Variants in ABCA13 observed in about 807,000 individuals in gnomAD.
The protein encoded by ABCA13 is ATP binding cassette subfamily A member 13, also known as ATP-binding cassette sub-family A member 13.
ABCA13 carries 476 observed loss-of-function variants against 478.7 expected under a neutral mutation model. The ratio of observed to expected loss-of-function variants is 0.99; its 90% CI spans 0.92 to 1.07. The LOEUF is 1.07. Ranked by LOEUF, ABCA13 falls within the 50% of genes least tolerant of loss-of-function variation. The pLI is 0.00. For missense variants in ABCA13, 6,060 were observed against 5,910.6 expected, an observed-to-expected ratio of 1.03 and a Z score of -0.83; for synonymous variants, 2,252 against 2,158.9, an observed-to-expected ratio of 1.04 and a Z score of -1.20.
At chr7:48,377,989 G>A (rs897908393) in intron 35 of ABCA13, among the ~76,000 whole-genome samples, 9 of 152,218 alleles carry the variant, frequency 5.9e-5, no homozygotes, top group East Asian at 1.9e-4. Flanking sequence ...TCAACCATCA[G>A]CATCTAAGGC....
chr7:48,178,871 G>T (rs1011626551), intron 1 of ABCA13, among the ~76,000 whole-genome samples: 123 of 150,978 alleles, frequency 8.1e-4, no homozygotes, highest in African/African-American at 2.9e-3. Context: ...TGCTGAAATT[G>T]TTACCAGCAT....
chr7:48,457,883 A>C lies in ABCA13; in HGVS notation c.12815+2597A>C, dbSNP rs1478746660. 3.3e-5 allele frequency among the ~76,000 whole-genome samples: 5 copies of C among 152,344 alleles called. No individual in the cohort carries two copies. The South Asian group carries it at 6.2e-4, about 19-fold the overall frequency. On this transcript the variant is annotated intron_variant, in intron 43 of 61. Transcript: ENST00000435803. ...AGTTATGAGGAAAAAGTAAAAAGCTACCAGGAAGCATCCACATTGATGGAA... is the reference window on the plus strand; with the variant it reads ...AGTTATGAGGAAAAAGTAAAAAGCTCCCAGGAAGCATCCACATTGATGGAA...
chr7:48,620,521 C>T (rs1186792339), intron 59 of ABCA13, among the ~76,000 whole-genome samples: 1 of 152,082 alleles, frequency 6.6e-6, no homozygotes, highest in Non-Finnish European at 1.5e-5. Context: ...TGTGCAGCAC[C>T]CTCACCCCAA....
At chr7:48,342,358 T>C (rs1037236002) in intron 29 of ABCA13, among the ~76,000 whole-genome samples, 1 of 152,214 alleles carries the variant, frequency 6.6e-6, no homozygotes, top group Non-Finnish European at 1.5e-5. Flanking sequence ...TCGTTATGAC[T>C]GTGGGATTGC....
At position 48,245,519 on chromosome 7, in the gene ABCA13, C is replaced by T. The variant is rs760585487; in HGVS notation, c.1398C>T (p.Leu466=). 6.2e-7 allele frequency: 1 copy of T among 1,609,718 alleles called. No homozygotes were observed. Among genetic ancestry groups the T allele is most frequent in the South Asian group, 1.1e-5 (1 of 89,316 alleles). Residue 466 remains leucine (L), a synonymous_variant, in exon 12 of 62, where the codon CTC becomes CTT. Coordinates refer to ENST00000435803, the MANE Select transcript of ABCA13 (RefSeq NM_152701.5). ...AATTTGTCTACTTTGCAGAAGTCCT[C>T]ATTTGCCTGGAGACATCAGCTAATG... ...AQNLHFVQEV[L]ICLETSANDF...
At chr7:48,431,672 CG>C (rs1428246115) in intron 42 of ABCA13, among the ~76,000 whole-genome samples, 2 of 152,058 alleles carry the variant, frequency 1.3e-5, no homozygotes, top group African/African-American at 4.8e-5. Flanking sequence ...TATGTCTTTG[CG>C]GGCTCTGTTA....
Position 48,273,966 on chromosome 7 carries a change from A to G in ABCA13, c.4300A>G (p.Ile1434Val), listed in dbSNP as rs17132195. 14,753 of 1,610,314 alleles carry G rather than the reference A, an allele frequency of 9.2e-3. 125 individuals carry two copies. The highest frequency in any genetic ancestry group is 0.056 in the Middle Eastern group (340 of 6,044). The change falls in exon 17 of 62, where the codon ATA becomes GTA. Residue 1434 changes from isoleucine to valine, a missense_variant. Physicochemically the swap from Ile to Val is conservative, Grantham distance 29 (BLOSUM62 3). This residue lies in a region of ABCA13 where 4,423 missense variants were observed against 4,309.1 expected (regional missense o/e 1.03). Coordinates refer to ENST00000435803, the MANE Select transcript of ABCA13 (RefSeq NM_152701.5). ...FRDIENKMNSILKIVTWVLNI... is the reference protein window; with the variant it reads ...FRDIENKMNSVLKIVTWVLNI... ...AGATATAGAAAACAAAATGAACTCT[A>G]TATTAAAAATTGTAACTTGGGTGTT...
At chr7:48,575,519 C>A (rs910874208) in intron 55 of ABCA13, among the ~76,000 whole-genome samples, 1 of 152,004 alleles carries the variant, frequency 6.6e-6, no homozygotes, top group South Asian at 2.1e-4. Context: ...ATTAAAAGTG[C>A]GGAATATTAA....
At chr7:48,540,652 T>C (rs1026108492) in intron 55 of ABCA13, among the ~76,000 whole-genome samples, 1 of 152,096 alleles carries the variant, frequency 6.6e-6, no homozygotes, top group Non-Finnish European at 1.5e-5. Flanking sequence ...TATTAAGGTA[T>C]TTTTGTCTCT....
chr7:48,387,713 A>G, intron 35 of ABCA13, 109 bp from the exon 36 acceptor site: 1 of 1,000,950 alleles, frequency 1.0e-6, no homozygotes, highest in Non-Finnish European at 1.4e-6. Flanking sequence ...GACATATATT[A>G]AAAATATTAA....
intron 44 of ABCA13, 138 bp downstream of exon 44, chr7:48,467,183 T>A: frequency 1.2e-6 from 1 of 831,786 alleles, no homozygotes; most frequent in Admixed American, 2.0e-5. Flanking sequence ...GCCTAATGAC[T>A]AGGTTATTAC....
chr7:48,234,221 G>A, intron 8 of ABCA13, 70 bp downstream of exon 8: 1 of 1,610,094 alleles, frequency 6.2e-7, no homozygotes, highest in Non-Finnish European at 8.5e-7. Flanking sequence ...CATGCTGCTG[G>A]GGCAGGGTGA....
At chr7:48,558,516 T>A (rs1389789338) in intron 55 of ABCA13, among the ~76,000 whole-genome samples, 1 of 152,116 alleles carries the variant, frequency 6.6e-6, no homozygotes, top group Non-Finnish European at 1.5e-5. Flanking sequence ...CAGGCTGGTC[T>A]TGAACTCCTG....
Position 48,427,843 on chromosome 7 carries a change from C to T in ABCA13, c.12537C>T (p.His4179=), listed in dbSNP as rs920755494. Residue 4179 remains histidine, a synonymous_variant, in exon 42 of 62, where the codon CAC becomes CAT. Transcript: ENST00000435803. ...ALGTESELQN[H]RPTGHLSGYC... is the part of the protein sequence containing the mutation. Reference sequence around the variant, plus strand: ...GGACTGAGTCAGAGCTGCAGAACCACAGGCCTACAGGACATCTGTCTGGCT... The same window carrying T: ...GGACTGAGTCAGAGCTGCAGAACCATAGGCCTACAGGACATCTGTCTGGCT... 3 of 1,607,826 alleles carry T rather than the reference C, an allele frequency of 1.9e-6. No homozygotes were observed. Among genetic ancestry groups the T allele is most frequent in the Non-Finnish European group, 1.7e-6 (2 of 1,177,708 alleles).
chr7:48,481,872 A>G (rs865914587), intron 46 of ABCA13, among the ~76,000 whole-genome samples: 3 of 152,134 alleles, frequency 2.0e-5, no homozygotes, highest in Admixed American at 6.5e-5. Context: ...TTCAACCAGT[A>G]TCTGTTGAAT....
chr7:48,443,517 C>T (rs933719564), intron 42 of ABCA13, among the ~76,000 whole-genome samples: 1 of 152,174 alleles, frequency 6.6e-6, no homozygotes, highest in Non-Finnish European at 1.5e-5. Context: ...CTACATGTTC[C>T]TCCAATATTT....
chr7:48,279,834 C>T lies in ABCA13; in HGVS notation c.8640C>T (p.Phe2880=). 6.3e-7 allele frequency: 1 copy of T among 1,581,632 alleles called. No homozygotes were observed. The highest frequency in any genetic ancestry group is 8.6e-7 in the Non-Finnish European group (1 of 1,168,190). The change falls in exon 18 of 62, where the codon TTC becomes TTT. Residue 2880 remains phenylalanine, a synonymous_variant. Coordinates refer to ENST00000435803, the MANE Select transcript of ABCA13 (RefSeq NM_152701.5). ...AGATGATTGACTTTCCTTATAGTTT[C>T]AAACCATTTTTCTGTTTGGAGAAAT... ...KKEMIDFPYS[F]KPFFCLEKYL... is the part of the protein sequence containing the mutation.
At position 48,279,592 on chromosome 7, in the gene ABCA13, G is replaced by T; in HGVS notation, c.8398G>T (p.Asp2800Tyr). Residue 2800 changes from aspartate (D) to tyrosine (Y), a missense_variant, in exon 18 of 62, where the codon GAC (aspartate) becomes TAC (tyrosine). This residue lies in a region of ABCA13 where 4,423 missense variants were observed against 4,309.1 expected (regional missense o/e 1.03). Transcript: ENST00000435803. ...EGDLNKSLYFDTPLSQNITHH... is the reference protein window; with the variant it reads ...EGDLNKSLYFYTPLSQNITHH... ...TGATTTGAATAAAAGTTTATATTTT[G>T]ACACACCTTTGAGTCAGAATATAAC... The T allele has an allele frequency of 2.5e-6, 4 of 1,613,098 alleles. No homozygotes were observed. In the South Asian group the frequency reaches 4.4e-5, roughly 18 times the overall value.
At chr7:48,259,944 GT>G (rs1793951639) in intron 15 of ABCA13, among the ~76,000 whole-genome samples, 1 of 151,930 alleles carries the variant, frequency 6.6e-6, no homozygotes, top group Non-Finnish European at 1.5e-5. Flanking sequence ...CTTATAGTGT[GT>G]TTTTCAGCTC....
Sources: gnomAD v4.1 joint callset for allele counts (sites outside exome capture counted in the v4.1 genomes callset) on GRCh38, gnomAD v4.1.1 for gene constraint, gnomAD v4.1.1 regional missense constraint, MANE v1.5 for transcripts, NCBI Gene and HGNC (gene_info 2026-07-23, HGNC 2026-07-21) for gene names.